PHGDH: variants seen among roughly 807,000 people sequenced by gnomAD.
PHGDH encodes the protein phosphoglycerate dehydrogenase, also known as D-3-phosphoglycerate dehydrogenase.
In PHGDH, 50 loss-of-function variants were observed where a neutral mutation model predicts 52.6. That is an observed-to-expected ratio of 0.95 (90% CI 0.76 to 1.20). The LOEUF is 1.20. Ranked by LOEUF, PHGDH falls within the 50% of genes most tolerant of loss-of-function variation. The pLI, the probability that PHGDH is intolerant of heterozygous loss-of-function variation, is 0.00. For missense variants in PHGDH, 630 were observed against 684.6 expected (o/e 0.92, Z 0.89); for synonymous variants, 271 against 280.5 (o/e 0.97, Z 0.34).
chr1:119,734,642 G>GTATGA lies in PHGDH; in HGVS notation c.520_524dup (p.Pro176MetfsTer44). ...CTCTTGCTTCCAACCAGACTATAGG[G>GTATGA]TATGACCCCATCATTTCCCCAGAGG... On this transcript the variant is annotated frameshift_variant, in exon 6 of 12. Coordinates refer to ENST00000641023, the MANE Select transcript of PHGDH (RefSeq NM_006623.4). LOFTEE classifies it high-confidence loss of function. The GTATGA allele has an allele frequency of 3.1e-6, 5 of 1,614,016 alleles. No individual in the cohort carries two copies. The highest frequency in any genetic ancestry group is 4.2e-6 in the Non-Finnish European group (5 of 1,179,916).
chr1:119,727,265 G>A (rs998183089), intron 5 of PHGDH, 163 bp downstream of exon 5: 15 of 669,362 alleles, frequency 2.2e-5, no homozygotes, highest in Non-Finnish European at 4.1e-5. Flanking sequence ...GAGAACACTG[G>A]CCTGCTGATC....
rs1269583346 is a variant in PHGDH, at chr1:119,741,917, G to A, written c.1209+20G>A. 22 of 1,605,682 alleles carry A rather than the reference G, an allele frequency of 1.4e-5. No individual in the cohort carries two copies. Among genetic ancestry groups the A allele is most frequent in the South Asian group, 1.3e-4 (12 of 90,882 alleles). ...CTCAATGTGCGCCCCTCTCCCCCAC[G>A]CTGCCTCCCCATCCCTGTCAGCACT... On this transcript the variant is annotated intron_variant, in intron 10 of 11. Coordinates refer to ENST00000641023, the MANE Select transcript of PHGDH (RefSeq NM_006623.4).
At chr1:119,725,352 TTAGA>T (rs1651359287) in intron 3 of PHGDH, among the ~76,000 whole-genome samples, 1 of 152,138 alleles carries the variant, frequency 6.6e-6, no homozygotes, top group Admixed American at 6.5e-5. Context: ...CGCATACATC[TTAGA>T]TAGCACTGTG....
intron 1 of PHGDH, among the ~76,000 whole-genome samples, chr1:119,716,349 C>T (rs1453910985): frequency 1.3e-5 from 2 of 152,144 alleles, no homozygotes; most frequent in East Asian, 3.9e-4. Flanking sequence ...TAAATCTTTA[C>T]AAGGGAGATC....
At chr1:119,740,622 A>G in intron 9 of PHGDH, 104 bp downstream of exon 9, 1 of 1,025,666 alleles carries the variant, frequency 9.7e-7, no homozygotes, top group Non-Finnish European at 1.5e-6. Context: ...AGTGAGAGGC[A>G]GTGAGGGTGC....
intron 1 of PHGDH, chr1:119,712,672 G>C (rs1471813650): frequency 5.3e-6 from 1 of 188,472 alleles, no homozygotes; most frequent in Non-Finnish European, 1.1e-5. Flanking sequence ...CTTGGCGGTG[G>C]CGGGGTTGGG....
At chr1:119,731,596 G>A (rs763063749) in intron 5 of PHGDH, among the ~76,000 whole-genome samples, 2 of 152,152 alleles carry the variant, frequency 1.3e-5, no homozygotes, top group East Asian at 1.9e-4. Flanking sequence ...CTACTGTGTC[G>A]GTTCCTGTGC....
chr1:119,726,713 C>A, intron 3 of PHGDH, 138 bp from the exon 4 acceptor site: 1 of 741,886 alleles, frequency 1.3e-6, no homozygotes, highest in Non-Finnish European at 2.5e-6. Context: ...CATCAGTGTT[C>A]CTAAACCTGA....
chr1:119,743,112 C>T lies in PHGDH; in HGVS notation c.1447+68C>T, dbSNP rs587688105. 1.2e-4 allele frequency: 117 copies of T among 958,150 alleles called. 1 individual carries two copies. In the Admixed American group the frequency reaches 1.8e-3, roughly 15 times the overall value. 59.4% of individuals were successfully genotyped at this position (958,150 alleles called of 1,614,324 possible). On this transcript the variant is annotated intron_variant, in intron 11 of 11. Transcript: ENST00000641023. ...GGGTGGGGTCTGCCCTGGAATTGAA[C>T]TCTACCCACCTTCCTTTAGCCCCTC... is the stretch of plus-strand genomic sequence containing the variant.
In PHGDH at chr1:119,740,487, C is replaced by T; in HGVS notation, c.1047C>T (p.Ser349=). The T allele has an allele frequency of 6.3e-7, 1 of 1,593,552 alleles. No individual in the cohort carries two copies. Among genetic ancestry groups the T allele is most frequent in the Non-Finnish European group, 8.5e-7 (1 of 1,169,642 alleles). The stretch of plus-strand genomic sequence containing the variant: ...CACTGATGCGAGCCTGGGCTGGGTC[C>T]CCCAAAGGGACCATCCAGGTGATAA... ...LGTLMRAWAG[S]PKGTIQVITQ... The change falls in exon 9 of 12, where the codon TCC becomes TCT. Residue 349 remains serine, a synonymous_variant. Coordinates refer to ENST00000641023, the MANE Select transcript of PHGDH (RefSeq NM_006623.4).
chr1:119,712,378 G>A, intron 1 of PHGDH: 2 of 557,740 alleles, frequency 3.6e-6, no homozygotes, highest in Admixed American at 2.8e-5. Context: ...GTTTGCAACC[G>A]CGTCTTTCAC....
chr1:119,712,292 G>A (rs1650732751), intron 1 of PHGDH, 132 bp downstream of exon 1: 1 of 783,136 alleles, frequency 1.3e-6, no homozygotes, highest in Admixed American at 2.1e-5. Flanking sequence ...GAGATTGGGG[G>A]GTAGAGAAGA....
chr1:119,726,842 T>C lies in PHGDH; in HGVS notation c.357-9T>C, dbSNP rs1173989487. ...AATGGACCCTCTGAACCTGTGTCTATCCTTGCAGGCAGATTCCCCAGGCGA... is the reference window on the plus strand; with the variant it reads ...AATGGACCCTCTGAACCTGTGTCTACCCTTGCAGGCAGATTCCCCAGGCGA... On this transcript the variant is annotated splice_polypyrimidine_tract_variant and intron_variant, in intron 3 of 11. Transcript: ENST00000641023. 2 of 1,613,346 alleles carry C rather than the reference T, an allele frequency of 1.2e-6. No individual in the cohort carries two copies. The highest frequency in any genetic ancestry group is 1.7e-5 in the Admixed American group (1 of 60,020).
At chr1:119,736,375 C>T (rs1651933666) in intron 7 of PHGDH, among the ~76,000 whole-genome samples, 1 of 152,226 alleles carries the variant, frequency 6.6e-6, no homozygotes, top group African/African-American at 2.4e-5. Context: ...TACATGGTTA[C>T]ATGTGGCCGG....
intron 5 of PHGDH, chr1:119,734,274 T>G (rs1441551789): frequency 2.8e-6 from 1 of 358,326 alleles, no homozygotes; most frequent in Non-Finnish European, 5.4e-6. Context: ...TATGAGCTAT[T>G]GTTGCATCTG....
chr1:119,742,046 A>T lies in PHGDH; in HGVS notation c.1209+149A>T, dbSNP rs627070. On this transcript the variant is annotated intron_variant, in intron 10 of 11. Coordinates refer to ENST00000641023, the MANE Select transcript of PHGDH (RefSeq NM_006623.4). ...GTGAGGGGTAGCTGCAGTTTCTTCA[A>T]CTGCAAAATGAAGATACTGCCTGGC... 0.7 allele frequency: 482,642 copies of T among 693,894 alleles called. 169,770 individuals are homozygous for T. The highest frequency in any genetic ancestry group is 0.83 in the Middle Eastern group (2,199 of 2,642). 43.0% of individuals were successfully genotyped at this position (693,894 alleles called of 1,614,324 possible).
chr1:119,733,093 G>A (rs898457406), intron 5 of PHGDH, among the ~76,000 whole-genome samples: 8 of 152,184 alleles, frequency 5.3e-5, no homozygotes, highest in African/African-American at 1.9e-4. Context: ...GCCGAGGGGA[G>A]CAGCAGTGTC....
intron 3 of PHGDH, chr1:119,724,487 G>GT: frequency 3.0e-6 from 1 of 336,052 alleles, no homozygotes; most frequent in Non-Finnish European, 5.7e-6. Flanking sequence ...AAAGGAGGCA[G>GT]TGGGGGGAAA....
At chr1:119,720,513 T>C (rs587712786) in intron 1 of PHGDH, 1 of 156,724 alleles carries the variant, frequency 6.4e-6, no homozygotes, top group South Asian at 1.9e-4. Flanking sequence ...GCTCAGTGTC[T>C]AATGGAGGTA....
Sources: allele counts gnomAD v4.1 joint callset (sites outside exome capture counted in the v4.1 genomes callset), GRCh38; gene constraint gnomAD v4.1.1; transcripts MANE v1.5; gene names NCBI Gene and HGNC (gene_info 2026-07-23, HGNC 2026-07-21).